The following ING3 variants were observed in gnomAD, a reference collection of about 807,000 sequenced individuals.
ING3 encodes the protein inhibitor of growth protein 3.
ING3 carries 6 observed loss-of-function variants against 64.8 expected under a neutral mutation model. That is an observed-to-expected ratio of 0.09 (90% confidence interval 0.05 to 0.18). The LOEUF (loss-of-function observed/expected upper bound fraction) is 0.18, where lower values mean the gene tolerates loss of function less well. Ranked by LOEUF, ING3 falls within the 10% of genes least tolerant of loss-of-function variation. The pLI is 1.00. For missense variants in ING3, 310 were observed against 489.7 expected (o/e 0.63, Z 3.46); for synonymous variants, 170 against 173.7 (o/e 0.98, Z 0.17).
chr7:120,950,814 T>C lies in ING3; in HGVS notation c.-83T>C, dbSNP rs1795745652. The stretch of plus-strand genomic sequence containing the variant: ...GGGTGCTGCTAGCGGAGGCGCCATA[T>C]TGGAGGGGACAAAACTCCGGCGACA... On this transcript the variant is annotated 5_prime_UTR_variant, in exon 1 of 12. Transcript: ENST00000315870. 3 of 1,347,042 alleles carry C rather than the reference T, an allele frequency of 2.2e-6. No individual in the cohort carries two copies. The highest frequency in any genetic ancestry group is 2.5e-5 in the East Asian group (1 of 40,238). The allele number at this position is 1,347,042 out of a possible 1,614,324, so 83.4% of individuals were successfully genotyped here.
chr7:120,954,965 T>G (rs1795824386), intron 3 of ING3, among the ~76,000 whole-genome samples: 1 of 152,206 alleles, frequency 6.6e-6, no homozygotes, highest in South Asian at 2.1e-4. Flanking sequence ...TTATTTTAAA[T>G]ACTGTTCATT....
chr7:120,976,232 T>C lies in ING3; in HGVS notation c.*1388T>C, dbSNP rs1248481718. 2 of 152,284 alleles carry C rather than the reference T, an allele frequency of 1.3e-5. No individual in the cohort carries two copies. The highest frequency in any genetic ancestry group is 1.9e-4 in the East Asian group (1 of 5,192). 9.4% of individuals were successfully genotyped at this position (152,284 alleles called of 1,614,324 possible). A position where few individuals can be genotyped will look rare whatever the true frequency, so the allele number is the denominator to read the frequency against. The stretch of plus-strand genomic sequence containing the variant: ...AACTTTTAAGATACTTAATATATCA[T>C]ATATATTTTATATTGAAACTTACTG... On this transcript the variant is annotated 3_prime_UTR_variant, in exon 12 of 12. Transcript: ENST00000315870.
intron 3 of ING3, 30 bp from the exon 4 acceptor site, chr7:120,955,529 T>TTTA (rs1185359775): frequency 3.4e-6 from 5 of 1,456,560 alleles, no homozygotes; most frequent in Non-Finnish European, 4.8e-6. Context: ...ATGATTAATT[T>TTTA]ATTTTTGAAA....
intron 4 of ING3, chr7:120,956,162 G>T (rs1478831473): frequency 6.2e-7 from 1 of 1,602,976 alleles, no homozygotes; most frequent in Non-Finnish European, 8.5e-7. Context: ...TTTTGCAGCA[G>T]CACTTCTAAA....
chr7:120,968,453 G>T (rs1169671481), intron 8 of ING3, among the ~76,000 whole-genome samples: 4 of 152,080 alleles, frequency 2.6e-5, no homozygotes. Flanking sequence ...TCTTGAGTTT[G>T]TTCACTTCTG....
chr7:120,975,654 A>G lies in ING3; in HGVS notation c.*810A>G, dbSNP rs1409915082. The G allele has an allele frequency of 6.6e-6, 1 of 152,160 alleles. No individual in the cohort carries two copies. The highest frequency in any genetic ancestry group is 1.9e-4 in the East Asian group (1 of 5,200). 9.4% of individuals were successfully genotyped at this position (152,160 alleles called of 1,614,324 possible). Reference sequence around the variant, plus strand: ...GGTGTTAAAATAAAGTTTTTAAAAAATTACTTGTATTTATACTTTACATAC... The same window carrying G: ...GGTGTTAAAATAAAGTTTTTAAAAAGTTACTTGTATTTATACTTTACATAC... On this transcript the variant is annotated 3_prime_UTR_variant, in exon 12 of 12. Transcript: ENST00000315870.
intron 2 of ING3, among the ~76,000 whole-genome samples, 178 bp from the exon 3 acceptor site, chr7:120,953,126 T>C (rs1219485548): frequency 6.6e-6 from 1 of 152,138 alleles, no homozygotes; most frequent in African/African-American, 2.4e-5. Flanking sequence ...AATTGTAACT[T>C]TTTAAAGGAA....
chr7:120,962,786 T>C (rs1312894376), intron 4 of ING3, among the ~76,000 whole-genome samples: 1 of 152,152 alleles, frequency 6.6e-6, no homozygotes, highest in Non-Finnish European at 1.5e-5. Flanking sequence ...CGTACCTCCT[T>C]CGTGTCTACC....
intron 6 of ING3, among the ~76,000 whole-genome samples, 176 bp downstream of exon 6, chr7:120,966,873 G>T (rs1400441290): frequency 1.3e-5 from 2 of 151,922 alleles, no homozygotes; most frequent in African/African-American, 4.8e-5. Context: ...ATGTGATTCG[G>T]AAATGAGTAT....
chr7:120,951,129 G>T (rs982716258), intron 1 of ING3, 35 bp from the exon 2 acceptor site: 10 of 1,609,758 alleles, frequency 6.2e-6, no homozygotes, highest in Non-Finnish European at 8.5e-6. Context: ...TTTCGCCGTT[G>T]GCCCCGCCCC....
rs1460712359 is a variant in ING3 at position 120,974,634 on chromosome 7, T to C, written c.1141-94T>C. The C allele has an allele frequency of 5.5e-5, 34 of 618,776 alleles. No homozygotes were observed. In the East Asian group the frequency reaches 9.2e-4, roughly 17 times the overall value. 38.3% of individuals were successfully genotyped at this position (618,776 alleles called of 1,614,324 possible). A position where few individuals can be genotyped will look rare whatever the true frequency, so the allele number is the denominator to read the frequency against. ...TGTCACACATCTAATTATTGTTAAA[T>C]TAAATGGATTATTCAGTCTCCTGAG... On this transcript the variant is annotated intron_variant, in intron 11 of 11. Transcript: ENST00000315870.
intron 10 of ING3, among the ~76,000 whole-genome samples, chr7:120,972,951 A>C (rs927759020): frequency 6.6e-6 from 1 of 152,324 alleles, no homozygotes; most frequent in Admixed American, 6.5e-5. Flanking sequence ...TGACTCCTTC[A>C]TCCGGGTGAT....
chr7:120,956,008 T>G, intron 4 of ING3: 1 of 635,456 alleles, frequency 1.6e-6, no homozygotes, highest in South Asian at 2.0e-5. Context: ...AAGACTGCTT[T>G]GACAAGAGTT....
chr7:120,960,113 TAAGA>T (rs780613358), intron 4 of ING3, among the ~76,000 whole-genome samples: 17 of 152,070 alleles, frequency 1.1e-4, no homozygotes, highest in Admixed American at 3.3e-4. Context: ...ACTTGGAAAA[TAAGA>T]AAGAACCACC....
Position 120,974,849 on chromosome 7 carries a change from G to C in ING3, c.*5G>C, listed in dbSNP as rs779310394. On this transcript the variant is annotated 3_prime_UTR_variant, in exon 12 of 12. Transcript: ENST00000315870. ...AGAGGCAGCAGACACAAATAAAGGT[G>C]GTCCTTTTGTTTGATGAAGAAATAA... The C allele has an allele frequency of 6.3e-7, 1 of 1,577,908 alleles. No homozygotes were observed. Among genetic ancestry groups the C allele is most frequent in the South Asian group, 1.1e-5 (1 of 87,766 alleles).
intron 4 of ING3, chr7:120,956,038 TGAA>T (rs912000138): frequency 6.4e-5 from 46 of 718,718 alleles, no homozygotes; most frequent in Admixed American, 4.5e-4. Context: ...CTGATTAAAA[TGAA>T]GAAGAATCAT....
At chr7:120,957,015 C>T in intron 4 of ING3, 1 of 299,458 alleles carries the variant, frequency 3.3e-6, no homozygotes, top group Non-Finnish European at 4.9e-6. Flanking sequence ...TTAAAAACCA[C>T]ACTGTTCATC....
At position 120,976,622 on chromosome 7, in the gene ING3, A is replaced by T. The variant is rs190298638; in HGVS notation, c.*1778A>T. The T allele has an allele frequency of 3.5e-4, 53 of 152,340 alleles. No homozygotes were observed. The Middle Eastern group carries it at 0.01, about 29-fold the overall frequency. The allele number at this position is 152,340 out of a possible 1,614,324, so 9.4% of individuals were successfully genotyped here. ...CTGGAAATGCTCACATGTATCATTT[A>T]CATCCTCTATATATTATGACTATTC... On this transcript the variant is annotated 3_prime_UTR_variant, in exon 12 of 12. Coordinates refer to ENST00000315870, the MANE Select transcript of ING3 (RefSeq NM_019071.3).
At chr7:120,953,283 A>T (rs1795794816) in intron 2 of ING3, 21 bp from the exon 3 acceptor site, 7 of 1,456,240 alleles carry the variant, frequency 4.8e-6, no homozygotes, top group Non-Finnish European at 5.6e-6. Flanking sequence ...TTTAATATGA[A>T]TTTTTTTTAT....
Sources: allele counts gnomAD v4.1 joint callset (sites outside exome capture counted in the v4.1 genomes callset), GRCh38; gene constraint gnomAD v4.1.1; transcripts MANE v1.5; gene names NCBI Gene and HGNC (gene_info 2026-07-23, HGNC 2026-07-21).